The following COX7B2 variants were observed in gnomAD, a reference collection of about 807,000 sequenced individuals.
COX7B2 encodes cytochrome c oxidase subunit 7B2, mitochondrial.
For missense variants in COX7B2, 109 were observed against 95.9 expected (o/e 1.14, Z -0.57); for synonymous variants, 37 against 32.1 (o/e 1.15, Z -0.51).
chr4:46,827,069 A>G (rs1404383468), intron 2 of COX7B2, among the ~76,000 whole-genome samples: 1 of 152,182 alleles, frequency 6.6e-6, no homozygotes, highest in Non-Finnish European at 1.5e-5. Flanking sequence ...AGTGAAGAAA[A>G]GATTGAAAAA....
chr4:46,768,061 G>A (rs890905722), intron 2 of COX7B2, among the ~76,000 whole-genome samples: 11 of 152,344 alleles, frequency 7.2e-5, no homozygotes, highest in South Asian at 2.1e-4. Context: ...CCCAAATGGC[G>A]TGTGCTACAG....
intron 2 of COX7B2, among the ~76,000 whole-genome samples, chr4:46,821,900 T>G (rs1415176913): frequency 6.6e-6 from 1 of 151,948 alleles, no homozygotes; most frequent in African/African-American, 2.4e-5. Context: ...CATTTTTTTT[T>G]GTTTGTTTTG....
At chr4:46,814,529 TA>T (rs33937132) in intron 2 of COX7B2, among the ~76,000 whole-genome samples, 4,884 of 152,312 alleles carry the variant, frequency 0.032, 266 homozygotes, top group African/African-American at 0.11. Context: ...CTTAGTTATT[TA>T]GGATATAAAC....
chr4:46,791,178 T>TC (rs1377393301), intron 2 of COX7B2, among the ~76,000 whole-genome samples: 1 of 151,466 alleles, frequency 6.6e-6, no homozygotes, highest in Non-Finnish European at 1.5e-5. Context: ...TTTTGTATTT[T>TC]TTTTTTTTTT....
At chr4:46,833,018 G>A (rs1715264404) in intron 2 of COX7B2, among the ~76,000 whole-genome samples, 1 of 151,940 alleles carries the variant, frequency 6.6e-6, no homozygotes, top group Non-Finnish European at 1.5e-5. Flanking sequence ...TGATTCTCCT[G>A]CTTCAGCCTC....
At chr4:46,850,313 C>G (rs1577655166) in intron 1 of COX7B2, among the ~76,000 whole-genome samples, 2 of 151,826 alleles carry the variant, frequency 1.3e-5, no homozygotes, top group Admixed American at 6.6e-5. Flanking sequence ...GAATAAGATA[C>G]AAGCCTCCTC....
chr4:46,793,166 A>G (rs1296476521), intron 2 of COX7B2, among the ~76,000 whole-genome samples: 2 of 152,036 alleles, frequency 1.3e-5, no homozygotes, highest in East Asian at 3.9e-4. Flanking sequence ...AGAAGTTTGG[A>G]ATGTTCCTGT....
chr4:46,800,554 C>G (rs903667232), intron 2 of COX7B2, among the ~76,000 whole-genome samples: 7 of 152,092 alleles, frequency 4.6e-5, no homozygotes, highest in African/African-American at 1.4e-4. Context: ...TAGCCATATG[C>G]AGAAGATTGA....
At chr4:46,759,643 G>A (rs192792089) in intron 2 of COX7B2, among the ~76,000 whole-genome samples, 31 of 152,036 alleles carry the variant, frequency 2.0e-4, no homozygotes, top group Admixed American at 9.2e-4. Flanking sequence ...AAACCACAAT[G>A]AGATACCATC....
At chr4:46,750,503 T>A (rs1715303782) in intron 2 of COX7B2, among the ~76,000 whole-genome samples, 2 of 149,100 alleles carry the variant, frequency 1.3e-5, no homozygotes, top group South Asian at 4.4e-4. Context: ...AATATAACTA[T>A]TAAAGAGTCC....
intron 2 of COX7B2, among the ~76,000 whole-genome samples, chr4:46,738,070 C>A (rs1028312821): frequency 3.9e-5 from 6 of 152,136 alleles, no homozygotes; most frequent in Non-Finnish European, 2.9e-5. Flanking sequence ...AAGGTGACAT[C>A]GGTCAGGGTA....
At chr4:46,819,135 T>C (rs753335747) in intron 2 of COX7B2, among the ~76,000 whole-genome samples, 64 of 152,308 alleles carry the variant, frequency 4.2e-4, no homozygotes, top group Admixed American at 8.5e-4. Flanking sequence ...TGATAGGTGA[T>C]AGATTTTCTT....
At chr4:46,843,799 T>A (rs1716095267) in intron 2 of COX7B2, among the ~76,000 whole-genome samples, 1 of 152,002 alleles carries the variant, frequency 6.6e-6, no homozygotes, top group Non-Finnish European at 1.5e-5. Context: ...GAAATGTGAT[T>A]TAGAATATTA....
chr4:46,863,988 G>C (rs1490440335), intron 1 of COX7B2, among the ~76,000 whole-genome samples: 1 of 152,124 alleles, frequency 6.6e-6, no homozygotes, highest in African/African-American at 2.4e-5. Flanking sequence ...TGGGAAACAG[G>C]GGCCGGACAT....
chr4:46,876,250 G>A (rs1718325024), intron 1 of COX7B2, among the ~76,000 whole-genome samples: 1 of 152,056 alleles, frequency 6.6e-6, no homozygotes, highest in African/African-American at 2.4e-5. Context: ...AAATCTATGT[G>A]CTCTGAAAAA....
At chr4:46,870,587 T>TAG (rs2109822492) in intron 1 of COX7B2, among the ~76,000 whole-genome samples, 1 of 152,242 alleles carries the variant, frequency 6.6e-6, no homozygotes, top group African/African-American at 2.4e-5. Flanking sequence ...GAAAACCTCA[T>TAG]AGTCTCAGCC....
intron 2 of COX7B2, among the ~76,000 whole-genome samples, chr4:46,766,984 A>G (rs1716579958): frequency 6.6e-6 from 1 of 152,210 alleles, no homozygotes; most frequent in South Asian, 2.1e-4. Flanking sequence ...AAAAAAATTA[A>G]CAAAATGACA....
At chr4:46,761,887 A>C (rs12508458) in intron 2 of COX7B2, among the ~76,000 whole-genome samples, 49,566 of 151,258 alleles carry the variant, frequency 0.33, 8,359 homozygotes, top group South Asian at 0.47. Context: ...ATCTTACTGA[A>C]CTCCTTAATC....
rs113708047 is a variant in COX7B2 at position 46,877,042 on chromosome 4, C to T, written c.-104-32028G>A. Reference sequence around the variant, plus strand: ...AACTAAAACCATTAGCAGTAAGAATCGAACGACTCTCAAAACCCAGTTTCA... The same window carrying T: ...AACTAAAACCATTAGCAGTAAGAATTGAACGACTCTCAAAACCCAGTTTCA... On this transcript the variant is annotated intron_variant, in intron 1 of 2. Transcript: ENST00000355591. 2.7e-3 allele frequency among the ~76,000 whole-genome samples: 411 copies of T among 152,240 alleles called. 2 individuals are homozygous for T. The highest frequency in any genetic ancestry group is 9.0e-3 in the African/African-American group (374 of 41,544).
Sources: allele counts gnomAD v4.1 joint callset (sites outside exome capture counted in the v4.1 genomes callset), GRCh38; gene constraint gnomAD v4.1.1; transcripts MANE v1.5; gene names NCBI Gene and HGNC (gene_info 2026-07-23, HGNC 2026-07-21).